The following WWOX variants were observed in gnomAD, a reference collection of about 807,000 sequenced individuals.
WWOX encodes WW domain-containing oxidoreductase.
Under a neutral mutation model 46.2 loss-of-function variants are expected in WWOX, and 69 were observed. The observed-to-expected ratio is 1.49, with a 90% CI of 1.23 to 1.82. The LOEUF (loss-of-function observed/expected upper bound fraction) is 1.82, where lower values mean the gene tolerates loss of function less well. Among genes scored for constraint, WWOX ranks in the 40% most tolerant of loss-of-function variants. The pLI is 0.00. For missense variants in WWOX, 919 were observed against 542.6 expected, an observed-to-expected ratio of 1.69 and a Z score of -6.89; for synonymous variants, 359 against 202.6, an observed-to-expected ratio of 1.77 and a Z score of -6.56.
At chr16:79,181,472 G>A (rs145308299) in intron 8 of WWOX, among the ~76,000 whole-genome samples, 2,309 of 152,230 alleles carry the variant, frequency 0.015, 23 homozygotes, top group Admixed American at 0.023. Context: ...TGAGTCAAAG[G>A]TCAGGTGACA....
At chr16:78,776,700 A>G (rs1457435137) in intron 8 of WWOX, among the ~76,000 whole-genome samples, 1 of 152,142 alleles carries the variant, frequency 6.6e-6, no homozygotes. Flanking sequence ...ACAATTCTGC[A>G]TGGTCGGGGA....
intron 4 of WWOX, among the ~76,000 whole-genome samples, chr16:78,138,656 C>T (rs186258902): frequency 1.4e-3 from 207 of 152,300 alleles, no homozygotes; most frequent in Admixed American, 2.7e-3. Context: ...GGTCATAAAA[C>T]ACACTGGGGA....
intron 5 of WWOX, among the ~76,000 whole-genome samples, chr16:78,295,044 C>A (rs1174221425): frequency 1.3e-5 from 2 of 152,122 alleles, no homozygotes; most frequent in Non-Finnish European, 2.9e-5. Flanking sequence ...ACAGGCTCAC[C>A]CTGGCCTGTG....
intron 8 of WWOX, among the ~76,000 whole-genome samples, chr16:78,926,875 C>T (rs1452845366): frequency 6.6e-6 from 1 of 152,174 alleles, no homozygotes; most frequent in Admixed American, 6.5e-5. Context: ...AGGCTTACTG[C>T]AGCCTCTACT....
At chr16:78,848,254 C>T (rs1022751004) in intron 8 of WWOX, among the ~76,000 whole-genome samples, 1 of 152,164 alleles carries the variant, frequency 6.6e-6, no homozygotes, top group African/African-American at 2.4e-5. Context: ...ACACCGTGGG[C>T]TCCCAATCAG....
intron 4 of WWOX, among the ~76,000 whole-genome samples, chr16:78,158,577 A>G (rs543379184): frequency 2.0e-5 from 3 of 151,330 alleles, no homozygotes; most frequent in African/African-American, 7.3e-5. Flanking sequence ...TTCTTGTGGC[A>G]ACTTTTTTTG....
intron 8 of WWOX, among the ~76,000 whole-genome samples, chr16:78,501,491 C>A (rs1349159092): frequency 3.3e-5 from 5 of 151,716 alleles, no homozygotes; most frequent in African/African-American, 1.2e-4. Context: ...TCAAACTGTA[C>A]TGCTCACTTT....
At chr16:78,652,834 A>G (rs966703872) in intron 8 of WWOX, among the ~76,000 whole-genome samples, 3 of 152,220 alleles carry the variant, frequency 2.0e-5, no homozygotes, top group African/African-American at 4.8e-5. Flanking sequence ...TCATATAAGT[A>G]AATTATATGA....
At chr16:79,077,450 A>G (rs985652821) in intron 8 of WWOX, 2 of 152,208 alleles carry the variant, frequency 1.3e-5, no homozygotes, top group Non-Finnish European at 2.9e-5. Context: ...GAAGCTAAGT[A>G]GGAGCTGAAA....
At position 78,538,218 on chromosome 16, in the gene WWOX, CAAAAAAAA is replaced by C. The variant is rs67413792; in HGVS notation, c.1056+105487_1056+105494del. 1.7e-4 allele frequency among the ~76,000 whole-genome samples: 10 copies of C among 60,064 alleles called. No individual in the cohort carries two copies. In the East Asian group the frequency reaches 1.8e-3, roughly 11 times the overall value. 39.4% of individuals were successfully genotyped at this position (60,064 alleles called of 152,430 possible). On this transcript the variant is annotated intron_variant, in intron 8 of 8. Coordinates refer to ENST00000566780, the MANE Select transcript of WWOX (RefSeq NM_016373.4). ...TCTTTAATTAAGCTATCACTCACAC[CAAAAAAAA>C]AAAAAAAAAAAAAAAAAAAAGCGGG... is the stretch of plus-strand genomic sequence containing the variant.
At chr16:78,799,371 A>G (rs1309002184) in intron 8 of WWOX, among the ~76,000 whole-genome samples, 3 of 152,202 alleles carry the variant, frequency 2.0e-5, no homozygotes, top group Non-Finnish European at 4.4e-5. Context: ...GGGTTAGCAA[A>G]CACATGCTCA....
intron 8 of WWOX, among the ~76,000 whole-genome samples, chr16:78,966,343 T>C (rs575801327): frequency 2.0e-5 from 3 of 152,346 alleles, no homozygotes; most frequent in East Asian, 1.9e-4. Flanking sequence ...TTCCGTTTAC[T>C]GTACACCCCC....
chr16:78,660,848 T>A (rs970440103), intron 8 of WWOX, among the ~76,000 whole-genome samples: 2 of 152,356 alleles, frequency 1.3e-5, no homozygotes, highest in African/African-American at 4.8e-5. Flanking sequence ...GGCTATGTTT[T>A]GTTTATTACC....
At chr16:78,507,708 T>C (rs2085247094) in intron 8 of WWOX, among the ~76,000 whole-genome samples, 2 of 152,118 alleles carry the variant, frequency 1.3e-5, no homozygotes, top group South Asian at 4.2e-4. Flanking sequence ...TGTTGAGGAT[T>C]TGCTTGAATT....
chr16:78,448,704 A>T (rs2083617299), intron 8 of WWOX, among the ~76,000 whole-genome samples: 1 of 152,196 alleles, frequency 6.6e-6, no homozygotes, highest in Admixed American at 6.5e-5. Context: ...TGCTGTTTTA[A>T]TGAAGAGGCT....
At chr16:78,806,666 C>T (rs555685366) in intron 8 of WWOX, among the ~76,000 whole-genome samples, 14 of 152,218 alleles carry the variant, frequency 9.2e-5, no homozygotes, top group Admixed American at 4.6e-4. Context: ...AAGAACCAAG[C>T]AGATGCTGCA....
chr16:78,732,769 A>G (rs187388666), intron 8 of WWOX, among the ~76,000 whole-genome samples: 6 of 152,288 alleles, frequency 3.9e-5, no homozygotes, highest in Admixed American at 1.3e-4. Flanking sequence ...GCATACTCCT[A>G]TCTGGACTGT....
At chr16:78,429,376 A>G (rs1567568360) in intron 7 of WWOX, among the ~76,000 whole-genome samples, 2 of 152,186 alleles carry the variant, frequency 1.3e-5, no homozygotes, top group Non-Finnish European at 1.5e-5. Flanking sequence ...TCTGCCTTGC[A>G]TGGCTTCTTT....
intron 8 of WWOX, among the ~76,000 whole-genome samples, chr16:78,659,098 AAAC>A (rs912441454): frequency 1.2e-4 from 18 of 146,742 alleles, no homozygotes; most frequent in African/African-American, 4.4e-4. Context: ...TCTCAAAAAA[AAAC>A]AAACAAACAA....
Sources: allele counts gnomAD v4.1 joint callset (sites outside exome capture counted in the v4.1 genomes callset), GRCh38; gene constraint gnomAD v4.1.1; transcripts MANE v1.5; gene names NCBI Gene and HGNC (gene_info 2026-07-23, HGNC 2026-07-21).